CD36: variants seen among roughly 807,000 people sequenced by gnomAD.
CD36 encodes platelet glycoprotein 4.
A neutral mutation model predicts 55.2 loss-of-function variants in CD36; 119 were observed. The observed-to-expected ratio is 2.15, with a 90% CI of 1.86 to 2.51. The LOEUF (loss-of-function observed/expected upper bound fraction) is 2.51, where lower values mean the gene tolerates loss of function less well. CD36 is among the 30% of genes most tolerant of loss of function. CD36 has a pLI of 0.00. For missense variants in CD36, 819 were observed against 555.5 expected (o/e 1.47, Z -4.77); for synonymous variants, 186 against 193.6 (o/e 0.96, Z 0.33).
chr7:80,639,517 A>C (rs543902916), intron 1 of CD36, among the ~76,000 whole-genome samples: 5 of 151,976 alleles, frequency 3.3e-5, no homozygotes, highest in Non-Finnish European at 4.4e-5. Context: ...GGAGGAATTA[A>C]GTAAAAGCCT....
chr7:80,647,026 GA>G, intron 3 of CD36, 166 bp downstream of exon 3: 1 of 663,154 alleles, frequency 1.5e-6, no homozygotes. Flanking sequence ...GACTTTATGT[GA>G]AATGTTATAA....
intron 1 of CD36, among the ~76,000 whole-genome samples, chr7:80,613,094 G>A (rs1792963446): frequency 6.6e-6 from 1 of 151,886 alleles, no homozygotes; most frequent in Admixed American, 6.6e-5. Flanking sequence ...GGGAGATAAG[G>A]CTATAAATAA....
intron 9 of CD36, 181 bp downstream of exon 9, chr7:80,670,203 A>G: frequency 1.7e-6 from 1 of 593,904 alleles, no homozygotes; most frequent in Non-Finnish European, 3.0e-6. Context: ...TGCCATTTCT[A>G]TCTAAGCAAG....
rs1163997718 is a variant in CD36 at position 80,666,456 on chromosome 7, T to C, written c.715T>C (p.Trp239Arg). Residue 239 changes from tryptophan to arginine, a missense_variant, in exon 8 of 15, where the codon TGG becomes CGG. Coordinates refer to ENST00000447544, the MANE Select transcript of CD36 (RefSeq NM_001001548.3). Reference sequence around the variant, plus strand: ...TTCTATTCCTAGGAATCTGTCCTATTGGGAAAGTCACTGCGACATGATTAA... The same window carrying C: ...TTCTATTCCTAGGAATCTGTCCTATCGGGAAAGTCACTGCGACATGATTAA... ...TYKGKRNLSY[W>R]ESHCDMINGT... is the part of the protein sequence containing the mutation. The C allele has an allele frequency of 6.2e-7, 1 of 1,606,474 alleles. No homozygotes were observed. The highest frequency in any genetic ancestry group is 1.1e-5 in the South Asian group (1 of 90,916).
At chr7:80,672,973 C>T in intron 12 of CD36, 130 bp downstream of exon 12, 1 of 702,342 alleles carries the variant, frequency 1.4e-6, no homozygotes, top group Non-Finnish European at 2.6e-6. Context: ...AGCTTAATGT[C>T]ACCAATCATT....
chr7:80,634,526 A>G (rs960107197), upstream of CD36, among the ~76,000 whole-genome samples: 1 of 152,090 alleles, frequency 6.6e-6, no homozygotes, highest in African/African-American at 2.4e-5. Context: ...ATCCCATTTA[A>G]CAAGAAAGGA....
At chr7:80,673,512 T>C (rs1263337850) in intron 13 of CD36, 103 bp downstream of exon 13, 1 of 778,290 alleles carries the variant, frequency 1.3e-6, no homozygotes, top group Non-Finnish European at 2.3e-6. Flanking sequence ...TATATGTATT[T>C]CCATTACCCA....
At chr7:80,631,787 A>G (rs1352479070) in intron 1 of CD36, among the ~76,000 whole-genome samples, 1 of 151,264 alleles carries the variant, frequency 6.6e-6, no homozygotes, top group Non-Finnish European at 1.5e-5. Context: ...ATTTCCAGAA[A>G]AACATTTCTG....
rs1404018915 is a variant in CD36 at position 80,656,536 on chromosome 7, A to T, written c.121-4A>T. On this transcript the variant is annotated splice_region_variant and splice_polypyrimidine_tract_variant and intron_variant, in intron 3 of 14. Coordinates refer to ENST00000447544, the MANE Select transcript of CD36 (RefSeq NM_001001548.3). ...ATAACCCAAACTTATTTTCTTTTTC[A>T]TAGCAAGTTGTCCTCGAAGAAGGTA... 2 of 1,613,128 alleles carry T rather than the reference A, an allele frequency of 1.2e-6. No individual in the cohort carries two copies. Among genetic ancestry groups the T allele is most frequent in the Admixed American group, 3.3e-5 (2 of 59,940 alleles).
At chr7:80,652,623 T>A (rs1187209203) in intron 3 of CD36, among the ~76,000 whole-genome samples, 2 of 152,196 alleles carry the variant, frequency 1.3e-5, no homozygotes, top group East Asian at 3.8e-4. Context: ...TGCTTCTGGT[T>A]TTTAAGAAAG....
upstream of CD36, among the ~76,000 whole-genome samples, chr7:80,636,434 G>A (rs998500569): frequency 1.3e-5 from 2 of 151,310 alleles, no homozygotes; most frequent in Admixed American, 6.6e-5. Context: ...AGAAGAACAA[G>A]CAGTTAACTT....
intron 8 of CD36, among the ~76,000 whole-genome samples, chr7:80,667,757 T>TTTTTGTTG (rs1313899129): frequency 7.1e-6 from 1 of 141,596 alleles, no homozygotes; most frequent in Non-Finnish European, 1.6e-5. Context: ...GTTTTTTTTT[T>TTTTTGTTG]TTTTTTTTTT....
chr7:80,636,096 C>T (rs531579402), upstream of CD36, among the ~76,000 whole-genome samples: 2 of 152,146 alleles, frequency 1.3e-5, no homozygotes, highest in African/African-American at 4.8e-5. Flanking sequence ...GGTGCAAAGA[C>T]AGGGCAAAAA....
chr7:80,661,896 C>G (rs935249056), intron 5 of CD36, among the ~76,000 whole-genome samples: 7 of 152,182 alleles, frequency 4.6e-5, no homozygotes, highest in Non-Finnish European at 1.0e-4. Flanking sequence ...AAACAAAACT[C>G]TGCAGAGTCT....
rs143980767 is a variant in CD36, at chr7:80,616,421, CTGTGTGTGTG to C, written c.-184+14061_-184+14070del. 4.8e-5 allele frequency among the ~76,000 whole-genome samples: 7 copies of C among 145,528 alleles called. No homozygotes were observed. In the South Asian group the frequency reaches 1.1e-3, roughly 23 times the overall value. On this transcript the variant is annotated intron_variant, in intron 1 of 13. Coordinates refer to the CD36 transcript ENST00000309881. ...TGAATCATTGTAAGTTGGGGACCATCTGTGTGTGTGTGTGTGTGTGTGTGTGTGCCTGCAC... is the reference window on the plus strand; with the variant it reads ...TGAATCATTGTAAGTTGGGGACCATCTGTGTGTGTGTGTGTGTGCCTGCAC...
intron 3 of CD36, among the ~76,000 whole-genome samples, chr7:80,650,515 A>G (rs190124534): frequency 6.6e-6 from 1 of 152,286 alleles, no homozygotes; most frequent in Admixed American, 6.5e-5. Flanking sequence ...GCTATTTCAC[A>G]AACATATGGG....
chr7:80,646,540 T>G, intron 2 of CD36, 112 bp from the exon 3 acceptor site: 1 of 615,388 alleles, frequency 1.6e-6, no homozygotes, highest in East Asian at 2.9e-5. Flanking sequence ...AGAAAAGCAT[T>G]TGTTTATTTA....
chr7:80,611,642 A>G (rs1257489415), intron 1 of CD36, among the ~76,000 whole-genome samples: 1 of 152,222 alleles, frequency 6.6e-6, no homozygotes, highest in East Asian at 1.9e-4. Context: ...AGAAGATGTT[A>G]GGAAAAATCT....
chr7:80,614,926 A>G (rs915015049), intron 1 of CD36, among the ~76,000 whole-genome samples: 3 of 151,938 alleles, frequency 2.0e-5, no homozygotes, highest in Non-Finnish European at 4.4e-5. Context: ...GGGCGTATCC[A>G]GTTTTCATTA....
Sources: gnomAD v4.1 joint callset for allele counts (sites outside exome capture counted in the v4.1 genomes callset) on GRCh38, gnomAD v4.1.1 for gene constraint, MANE v1.5 for transcripts, NCBI Gene and HGNC (gene_info 2026-07-23, HGNC 2026-07-21) for gene names.